Variants in BACH2 observed in about 807,000 individuals in gnomAD.
The protein encoded by BACH2 is transcription regulator protein BACH2.
A neutral mutation model predicts 61.8 loss-of-function variants in BACH2; 5 were observed. That is an observed-to-expected ratio of 0.08 (90% CI 0.04 to 0.17). The LOEUF (loss-of-function observed/expected upper bound fraction) is 0.17, where lower values mean the gene tolerates loss of function less well. Ranked by LOEUF, BACH2 falls within the 10% of genes least tolerant of loss-of-function variation. The pLI, the probability that BACH2 is intolerant of heterozygous loss-of-function variation, is 1.00. For missense variants in BACH2, 824 were observed against 1,091.1 expected, an observed-to-expected ratio of 0.76 and a Z score of 3.45; for synonymous variants, 446 against 440.1, an observed-to-expected ratio of 1.01 and a Z score of -0.17.
At chr6:90,188,705 C>T (rs1768445232) in intron 4 of BACH2, among the ~76,000 whole-genome samples, 1 of 133,110 alleles carries the variant, frequency 7.5e-6, no homozygotes, top group South Asian at 2.6e-4. Flanking sequence ...AACTGGACAT[C>T]TTAATAGTTA....
At chr6:90,046,401 A>G (rs560642951) in intron 5 of BACH2, among the ~76,000 whole-genome samples, 2 of 152,346 alleles carry the variant, frequency 1.3e-5, no homozygotes, top group East Asian at 3.9e-4. Context: ...AGCAATGGCA[A>G]TGCCTAAACT....
At chr6:89,969,050 C>CT (rs76254643) in intron 6 of BACH2, among the ~76,000 whole-genome samples, 23,579 of 113,904 alleles carry the variant, frequency 0.21, 2,754 homozygotes, top group Non-Finnish European at 0.23. Context: ...AAAATGTAGT[C>CT]TTTTTTTTTT....
At chr6:90,220,847 G>A (rs1341480461) in intron 3 of BACH2, among the ~76,000 whole-genome samples, 1 of 152,180 alleles carries the variant, frequency 6.6e-6, no homozygotes, top group Non-Finnish European at 1.5e-5. Flanking sequence ...TATTTTCATA[G>A]TTAACTACCT....
intron 7 of BACH2, among the ~76,000 whole-genome samples, chr6:89,945,727 A>T (rs774086712): frequency 2.6e-4 from 40 of 152,228 alleles, no homozygotes; most frequent in Non-Finnish European, 5.3e-4. Flanking sequence ...TAATTTAAAA[A>T]ATAAACCTGT....
At position 90,049,542 on chromosome 6, in the gene BACH2, C is replaced by T. The variant is rs557170249; in HGVS notation, c.-13+39419G>A. On this transcript the variant is annotated intron_variant, in intron 5 of 8. Coordinates refer to ENST00000257749, the MANE Select transcript of BACH2 (RefSeq NM_021813.4). The stretch of plus-strand genomic sequence containing the variant: ...TTATTTTCATGGTCATACTAAGATG[C>T]TGTATGTCTTTTTCACAGTGTTGAC... Among the ~76,000 whole-genome samples, 4 of 152,238 alleles carry T rather than the reference C, an allele frequency of 2.6e-5. No individual in the cohort carries two copies. The South Asian group carries it at 8.3e-4, about 32-fold the overall frequency.
At chr6:90,220,269 C>A (rs553413733) in intron 3 of BACH2, among the ~76,000 whole-genome samples, 3 of 152,276 alleles carry the variant, frequency 2.0e-5, no homozygotes, top group Admixed American at 6.5e-5. Context: ...GGTCACTTTT[C>A]TTCCTGTCCC....
At chr6:90,202,970 C>T (rs1769005597) in intron 4 of BACH2, among the ~76,000 whole-genome samples, 1 of 152,112 alleles carries the variant, frequency 6.6e-6, no homozygotes, top group African/African-American at 2.4e-5. Flanking sequence ...AATCCTTTCT[C>T]TATAGCATGA....
chr6:90,045,565 T>G (rs938947930), intron 5 of BACH2, among the ~76,000 whole-genome samples: 1 of 152,216 alleles, frequency 6.6e-6, no homozygotes, highest in African/African-American at 2.4e-5. Context: ...AAATAATCTT[T>G]GCCGTAAGTC....
intron 4 of BACH2, among the ~76,000 whole-genome samples, chr6:90,156,276 C>T (rs1784994127): frequency 6.6e-6 from 1 of 152,216 alleles, no homozygotes; most frequent in African/African-American, 2.4e-5. Flanking sequence ...ATAAGCAACA[C>T]TTCCACTGCA....
intron 3 of BACH2, among the ~76,000 whole-genome samples, chr6:90,215,122 A>C (rs1404951775): frequency 2.6e-5 from 4 of 152,126 alleles, no homozygotes; most frequent in Admixed American, 6.5e-5. Flanking sequence ...ACCATGTCCC[A>C]GGTTGTTAAG....
At chr6:90,222,804 T>A (rs941006745) in intron 3 of BACH2, among the ~76,000 whole-genome samples, 3 of 152,120 alleles carry the variant, frequency 2.0e-5, no homozygotes, top group Admixed American at 2.0e-4. Flanking sequence ...CTCTTAGTCA[T>A]CCTTAGTCAC....
chr6:89,978,309 T>C (rs535203786), intron 6 of BACH2, among the ~76,000 whole-genome samples: 1 of 152,216 alleles, frequency 6.6e-6, no homozygotes, highest in Admixed American at 6.5e-5. Flanking sequence ...GGAAATTGCA[T>C]GAATAACATG....
chr6:90,250,490 G>GTTCA (rs369196000), intron 3 of BACH2, among the ~76,000 whole-genome samples: 2,112 of 152,124 alleles, frequency 0.014, 38 homozygotes, highest in African/African-American at 0.046. Flanking sequence ...AAGCCTCACT[G>GTTCA]TTCATTCATT....
At chr6:90,196,999 C>T (rs1768783185) in intron 4 of BACH2, among the ~76,000 whole-genome samples, 1 of 152,112 alleles carries the variant, frequency 6.6e-6, no homozygotes, top group South Asian at 2.1e-4. Context: ...GGAGTTTCTG[C>T]AAATTATTCT....
intron 6 of BACH2, among the ~76,000 whole-genome samples, chr6:89,981,346 T>C (rs1416890548): frequency 6.6e-6 from 1 of 152,058 alleles, no homozygotes; most frequent in East Asian, 1.9e-4. Flanking sequence ...TTTCACCGTG[T>C]TAGCCAGGAT....
intron 5 of BACH2, among the ~76,000 whole-genome samples, chr6:90,072,135 G>T (rs1021953303): frequency 6.6e-6 from 1 of 152,168 alleles, no homozygotes; most frequent in African/African-American, 2.4e-5. Flanking sequence ...ATTGTACTAT[G>T]TTCTCCTGTT....
chr6:90,059,760 T>C (rs1051922061), intron 5 of BACH2, among the ~76,000 whole-genome samples: 4 of 151,556 alleles, frequency 2.6e-5, no homozygotes, highest in African/African-American at 4.9e-5. Context: ...ATTAAGAAAA[T>C]GTGGCACATA....
At chr6:90,071,495 T>TTCCA (rs1781225442) in intron 5 of BACH2, among the ~76,000 whole-genome samples, 1 of 152,234 alleles carries the variant, frequency 6.6e-6, no homozygotes, top group Non-Finnish European at 1.5e-5. Context: ...TGGAAGGTCT[T>TTCCA]TCCAGGCAGA....
chr6:90,211,126 C>CAAAAAAAA (rs3072672), intron 3 of BACH2, among the ~76,000 whole-genome samples: 13 of 45,336 alleles, frequency 2.9e-4, no homozygotes, highest in African/African-American at 7.7e-4. Context: ...GACTCCATCT[C>CAAAAAAAA]AAAAAAAAAA....
Sources: gnomAD v4.1 joint callset for allele counts (sites outside exome capture counted in the v4.1 genomes callset) on GRCh38, gnomAD v4.1.1 for gene constraint, MANE v1.5 for transcripts, NCBI Gene and HGNC (gene_info 2026-07-23, HGNC 2026-07-21) for gene names.